GTF2F2: variants seen among roughly 807,000 people sequenced by gnomAD.
GTF2F2 encodes ATP-dependent helicase GTF2F2.
In GTF2F2, 23 loss-of-function variants were observed where a neutral mutation model predicts 42.2. That is an observed-to-expected ratio of 0.55 (90% confidence interval 0.39 to 0.77). GTF2F2 has a LOEUF of 0.77. Ranked by LOEUF, GTF2F2 falls within the 30% of genes least tolerant of loss-of-function variation. GTF2F2 has a pLI of 0.00. For synonymous variants in GTF2F2, 105 were observed against 100.8 expected (o/e 1.04, Z -0.25); for missense variants, 261 against 287.2 (o/e 0.91, Z 0.66).
At chr13:45,251,931 T>A (rs1439261596) in intron 5 of GTF2F2, among the ~76,000 whole-genome samples, 1 of 152,218 alleles carries the variant, frequency 6.6e-6, no homozygotes, top group Non-Finnish European at 1.5e-5. Context: ...TAGAAAGCTG[T>A]ACTTTTCCTT....
chr13:45,123,775 A>G (rs1868814958), intron 1 of GTF2F2, among the ~76,000 whole-genome samples: 5 of 148,996 alleles, frequency 3.4e-5, no homozygotes, highest in African/African-American at 7.5e-5. Flanking sequence ...ATGAAGTGCT[A>G]TTTCTGGAAT....
intron 5 of GTF2F2, among the ~76,000 whole-genome samples, chr13:45,209,216 A>G (rs1339744055): frequency 6.6e-6 from 1 of 152,224 alleles, no homozygotes; most frequent in East Asian, 1.9e-4. Context: ...ATAAGATTAC[A>G]GTACTGTATT....
At chr13:45,196,053 T>G (rs1466649591) in intron 4 of GTF2F2, among the ~76,000 whole-genome samples, 1 of 152,228 alleles carries the variant, frequency 6.6e-6, no homozygotes, top group East Asian at 1.9e-4. Context: ...TTGGAAGAGA[T>G]TCTTCTAAAA....
intron 4 of GTF2F2, among the ~76,000 whole-genome samples, chr13:45,204,042 T>C (rs1873319466): frequency 6.6e-6 from 1 of 152,196 alleles, no homozygotes; most frequent in Non-Finnish European, 1.5e-5. Flanking sequence ...AATTTCTTAA[T>C]TTTAGTTTCT....
intron 1 of GTF2F2, among the ~76,000 whole-genome samples, chr13:45,133,381 A>G (rs529402667): frequency 1.3e-5 from 2 of 152,358 alleles, no homozygotes; most frequent in South Asian, 4.1e-4. Context: ...AGCAACAGGC[A>G]CAGCCCAGAC....
intron 7 of GTF2F2, among the ~76,000 whole-genome samples, chr13:45,277,335 C>A (rs1877080128): frequency 6.6e-6 from 1 of 152,096 alleles, no homozygotes; most frequent in South Asian, 2.1e-4. Flanking sequence ...ACAGGAAACT[C>A]ACAGTCATGG....
chr13:45,240,547 G>T (rs915908653), intron 5 of GTF2F2, among the ~76,000 whole-genome samples: 2 of 152,184 alleles, frequency 1.3e-5, no homozygotes, highest in South Asian at 2.1e-4. Context: ...ATAATTACTG[G>T]CCGGGCAGAG....
intron 4 of GTF2F2, among the ~76,000 whole-genome samples, chr13:45,174,490 CT>C (rs1181278012): frequency 6.6e-6 from 1 of 151,978 alleles, no homozygotes; most frequent in Non-Finnish European, 1.5e-5. Flanking sequence ...ATGATAGTAA[CT>C]TTTTCTTTTA....
intron 7 of GTF2F2, among the ~76,000 whole-genome samples, chr13:45,270,389 T>G (rs1324936127): frequency 1.3e-5 from 2 of 152,186 alleles, no homozygotes; most frequent in African/African-American, 4.8e-5. Context: ...AATAATTTGT[T>G]TCTTAAAATT....
chr13:45,244,813 G>T lies in GTF2F2; in HGVS notation c.387-8058G>T, dbSNP rs1458613748. ...AGCATCCTGAGTAGCTGGGATTACA[G>T]ATGTGAGCCACCATGCCTGGCTAAT... On this transcript the variant is annotated intron_variant, in intron 5 of 7. Transcript: ENST00000340473. Among the ~76,000 whole-genome samples the T allele has an allele frequency of 1.3e-5, 2 of 152,186 alleles. 1 individual carries two copies. Among genetic ancestry groups the T allele is most frequent in the Admixed American group, 1.3e-4 (2 of 15,276 alleles).
At chr13:45,178,666 A>T (rs969108604) in intron 4 of GTF2F2, among the ~76,000 whole-genome samples, 4 of 151,860 alleles carry the variant, frequency 2.6e-5, no homozygotes, top group Admixed American at 6.6e-5. Context: ...TGTGACTTTA[A>T]ATGAAAGTTA....
chr13:45,248,840 G>A (rs936435673), intron 5 of GTF2F2, among the ~76,000 whole-genome samples: 3 of 152,120 alleles, frequency 2.0e-5, no homozygotes, highest in Non-Finnish European at 4.4e-5. Flanking sequence ...GTATCTAAGT[G>A]ATCAGCCATT....
At position 45,251,517 on chromosome 13, in the gene GTF2F2, A is replaced by G. The variant is rs1169867017; in HGVS notation, c.387-1354A>G. Among the ~76,000 whole-genome samples the G allele has an allele frequency of 2.0e-5, 3 of 152,158 alleles. No individual in the cohort carries two copies. In the East Asian group the frequency reaches 5.8e-4, roughly 29 times the overall value. On this transcript the variant is annotated intron_variant, in intron 5 of 7. Transcript: ENST00000340473. ...AAGTAGTAAATACTTATTGCAGAAC[A>G]TTTAGAAAACAAACTTAAAATGCAT...
intron 2 of GTF2F2, among the ~76,000 whole-genome samples, chr13:45,148,513 C>T (rs762396438): frequency 2.6e-5 from 4 of 152,140 alleles, no homozygotes; most frequent in Non-Finnish European, 5.9e-5. Context: ...CAACTTATTG[C>T]AATCTTAGTA....
intron 5 of GTF2F2, among the ~76,000 whole-genome samples, chr13:45,244,789 G>A (rs1315907514): frequency 2.0e-5 from 3 of 152,188 alleles, no homozygotes; most frequent in East Asian, 3.8e-4. Flanking sequence ...TCCTGCCTCA[G>A]CATCCTGAGT....
At chr13:45,223,853 G>A (rs917022084) in intron 5 of GTF2F2, among the ~76,000 whole-genome samples, 2 of 152,146 alleles carry the variant, frequency 1.3e-5, no homozygotes, top group African/African-American at 4.8e-5. Flanking sequence ...ATCTCTGTTG[G>A]TTTGGTACAT....
intron 1 of GTF2F2, among the ~76,000 whole-genome samples, chr13:45,134,325 G>A (rs1269921743): frequency 6.6e-6 from 1 of 152,102 alleles, no homozygotes; most frequent in South Asian, 2.1e-4. Flanking sequence ...ACAAATTTTC[G>A]CTAGGGACTT....
At chr13:45,191,224 A>AAAATATAT in intron 4 of GTF2F2, among the ~76,000 whole-genome samples, 57 of 75,298 alleles carry the variant, frequency 7.6e-4, no homozygotes, top group South Asian at 1.2e-3. Context: ...ACAAAAAAAA[A>AAAATATAT]ATATATATAT....
intron 5 of GTF2F2, among the ~76,000 whole-genome samples, chr13:45,219,045 A>T (rs574197511): frequency 9.6e-4 from 146 of 152,038 alleles, no homozygotes; most frequent in African/African-American, 3.4e-3. Context: ...GTTTTTTTTA[A>T]AAAAAAGGCT....
Sources: allele counts gnomAD v4.1 joint callset (sites outside exome capture counted in the v4.1 genomes callset), GRCh38; gene constraint gnomAD v4.1.1; transcripts MANE v1.5; gene names NCBI Gene and HGNC (gene_info 2026-07-23, HGNC 2026-07-21).